The following ZNF280B variants were observed in gnomAD, a reference collection of about 807,000 sequenced individuals.
The protein encoded by ZNF280B is suppressor of hairy wing homolog 2.
Under a neutral mutation model 38.0 loss-of-function variants are expected in ZNF280B, and 16 were observed. The ratio of observed to expected loss-of-function variants is 0.42; its 90% CI spans 0.28 to 0.64. The LOEUF (loss-of-function observed/expected upper bound fraction) is 0.64, where lower values mean the gene tolerates loss of function less well. Among genes scored for constraint, ZNF280B ranks in the 30% least tolerant of loss-of-function variants. ZNF280B has a pLI of 0.21. For synonymous variants in ZNF280B, 253 were observed against 230.6 expected (o/e 1.10, Z -0.88); for missense variants, 581 against 639.6 (o/e 0.91, Z 0.99).
In ZNF280B at chr22:22,488,672, T is replaced by G; in HGVS notation, c.727A>C (p.Asn243His). The G allele has an allele frequency of 6.2e-7, 1 of 1,613,908 alleles. No homozygotes were observed. Among genetic ancestry groups the G allele is most frequent in the Non-Finnish European group, 8.5e-7 (1 of 1,179,982 alleles). The change falls in exon 4 of 4, where the codon AAT becomes CAT. Residue 243 changes from asparagine to histidine, a missense_variant. Coordinates refer to ENST00000626650, the MANE Select transcript of ZNF280B (RefSeq NM_080764.4). ...APFPAAFPKD[N>H]IHFKPINTNL... ...GTATTTATAGGCTTGAAATGGATAT[T>G]GTCCTTTGGAAAAGCTGCTGGAAAA...
chr22:22,490,011 T>C (rs970316064), intron 3 of ZNF280B, among the ~76,000 whole-genome samples: 18 of 151,960 alleles, frequency 1.2e-4, no homozygotes, highest in African/African-American at 3.9e-4. Context: ...AATTGATTCA[T>C]ATATAGTAAT....
At chr22:22,491,710 G>A (rs1206576317) in intron 3 of ZNF280B, among the ~76,000 whole-genome samples, 1 of 151,626 alleles carries the variant, frequency 6.6e-6, no homozygotes, top group Non-Finnish European at 1.5e-5. Context: ...CACCAGCCTC[G>A]GCCTCCCAAA....
intron 3 of ZNF280B, among the ~76,000 whole-genome samples, chr22:22,490,198 C>CT (rs1371241597): frequency 6.6e-6 from 1 of 151,902 alleles, no homozygotes; most frequent in Non-Finnish European, 1.5e-5. Flanking sequence ...CCAGTTCTGA[C>CT]TTACCCACTG....
At chr22:22,501,484 G>A (rs527820346) in intron 2 of ZNF280B, among the ~76,000 whole-genome samples, 101 of 151,690 alleles carry the variant, frequency 6.7e-4, no homozygotes, top group African/African-American at 2.2e-3. Flanking sequence ...AGAATCACTT[G>A]AATCCAGGAG....
chr22:22,489,190 G>C lies in ZNF280B; in HGVS notation c.209C>G (p.Ser70Ter). ...ILNRVTPGSW[S>*]RRKKYDHLRK... Reference sequence around the variant, plus strand: ...AAGGTGATCATACTTTTTTCTCCTTGACCATGAACCCGGGGTGACTCTGTT... The same window carrying C: ...AAGGTGATCATACTTTTTTCTCCTTCACCATGAACCCGGGGTGACTCTGTT... The change falls in exon 4 of 4, where the codon TCA becomes TGA. Residue 70 changes from serine (S) to a stop codon, truncating the protein, a stop_gained. Coordinates refer to ENST00000626650, the MANE Select transcript of ZNF280B (RefSeq NM_080764.4). LOFTEE classifies it high-confidence loss of function. The C allele has an allele frequency of 6.2e-7, 1 of 1,613,582 alleles. No individual in the cohort carries two copies. The highest frequency in any genetic ancestry group is 8.5e-7 in the Non-Finnish European group (1 of 1,179,894).
At chr22:22,490,757 T>C (rs1385034108) in intron 3 of ZNF280B, among the ~76,000 whole-genome samples, 3 of 151,930 alleles carry the variant, frequency 2.0e-5, no homozygotes, top group Admixed American at 6.6e-5. Context: ...GGTGAGGAAC[T>C]GCACCTGGCC....
At chr22:22,501,042 CAAAAAACCA>C (rs2061812922) in intron 2 of ZNF280B, among the ~76,000 whole-genome samples, 1 of 105,016 alleles carries the variant, frequency 9.5e-6, no homozygotes, top group African/African-American at 3.4e-5. Context: ...AAAAAAAAAA[CAAAAAACCA>C]AAAAAACAAA....
At position 22,499,206 on chromosome 22, in the gene ZNF280B, A is replaced by G. The variant is rs1449054988; in HGVS notation, c.-186-5026T>C. Among the ~76,000 whole-genome samples the G allele has an allele frequency of 2.0e-5, 3 of 152,128 alleles. No homozygotes were observed. In the East Asian group the frequency reaches 5.9e-4, roughly 30 times the overall value. ...ACCAAGTGGGATTTATTTAAAAAAT[A>G]CAAGGATGGTTCATTCTATGAAAAT... On this transcript the variant is annotated intron_variant, in intron 2 of 3. Transcript: ENST00000626650.
At position 22,500,237 on chromosome 22, in the gene ZNF280B, A is replaced by G. The variant is rs1048752454; in HGVS notation, c.-186-6057T>C. Among the ~76,000 whole-genome samples, 6 of 152,048 alleles carry G rather than the reference A, an allele frequency of 3.9e-5. No individual in the cohort carries two copies. In the East Asian group the frequency reaches 5.9e-4, roughly 15 times the overall value. On this transcript the variant is annotated intron_variant, in intron 2 of 3. Transcript: ENST00000626650. Reference sequence around the variant, plus strand: ...TTCTAGCAATCTTACTTCTGGGTATATATCTAAAATAATTGAAAGCAGGGT... The same window carrying G: ...TTCTAGCAATCTTACTTCTGGGTATGTATCTAAAATAATTGAAAGCAGGGT...
At chr22:22,505,463 G>A (rs1163185608) in intron 2 of ZNF280B, among the ~76,000 whole-genome samples, 1 of 151,948 alleles carries the variant, frequency 6.6e-6, no homozygotes, top group Admixed American at 6.6e-5. Context: ...CTACTCGGGA[G>A]GCTGAGGCAG....
intron 3 of ZNF280B, among the ~76,000 whole-genome samples, chr22:22,492,079 A>G (rs539301239): frequency 7.0e-4 from 106 of 152,132 alleles, no homozygotes; most frequent in African/African-American, 2.3e-3. Flanking sequence ...ATTTATTCCT[A>G]TAAATATGTG....
At chr22:22,496,105 CTTTT>C (rs34586676) in intron 2 of ZNF280B, among the ~76,000 whole-genome samples, 18 of 114,668 alleles carry the variant, frequency 1.6e-4, no homozygotes, top group Middle Eastern at 5.9e-3. Context: ...TGCGCCTGGC[CTTTT>C]TTTTTTTTTT....
rs202174242 is a variant in ZNF280B, at chr22:22,488,890, C to T, written c.509G>A (p.Arg170His). 5.0e-5 allele frequency: 80 copies of T among 1,613,628 alleles called. No individual in the cohort carries two copies. In the East Asian group the frequency reaches 1.5e-3, roughly 30 times the overall value. Reference protein sequence around the residue: ...LSVGGINESPRVSKQLSTFEV... With the variant: ...LSVGGINESPHVSKQLSTFEV... ...GAAAGTGGAAAGTTGCTTTGATACA[C>T]GAGGACTTTCATTTATACCTCCTAC... is the stretch of plus-strand genomic sequence containing the variant. Residue 170 changes from arginine to histidine, a missense_variant, in exon 4 of 4, where the codon CGT becomes CAT. By Grantham distance (29) the Arg-to-His change is conservative (BLOSUM62 0). Transcript: ENST00000626650.
At chr22:22,503,622 T>C (rs1432182991) in intron 2 of ZNF280B, among the ~76,000 whole-genome samples, 1 of 151,966 alleles carries the variant, frequency 6.6e-6, no homozygotes, top group Non-Finnish European at 1.5e-5. Context: ...TATATCTCCT[T>C]GCAGAGTGAA....
chr22:22,501,019 C>CAAAAAAAAAAAAAAAAAAAAAAA (rs56907724), intron 2 of ZNF280B, among the ~76,000 whole-genome samples: 4 of 60,266 alleles, frequency 6.6e-5, no homozygotes, highest in Non-Finnish European at 1.0e-4. Context: ...GACTCCGTCT[C>CAAAAAAAAAAAAAAAAAAAAAAA]AAAAAAAAAA....
At chr22:22,506,075 G>A (rs2061932924) in intron 2 of ZNF280B, among the ~76,000 whole-genome samples, 1 of 151,926 alleles carries the variant, frequency 6.6e-6, no homozygotes, top group South Asian at 2.1e-4. Flanking sequence ...ATTGGGTTTG[G>A]GATGTGAAGG....
chr22:22,488,581 G>A lies in ZNF280B; in HGVS notation c.818C>T (p.Thr273Ile), dbSNP rs1413414338. The part of the protein sequence containing the change: ...DILSLTSQNK[T>I]FDPKKENPIV... The stretch of plus-strand genomic sequence containing the variant: ...GGGATTTTCTTTCTTGGGATCAAAG[G>A]TCTTGTTTTGACTTGTTAGACTCAA... The change falls in exon 4 of 4, where the codon ACC (threonine) becomes ATC (isoleucine). Residue 273 changes from threonine (T) to isoleucine (I), a missense_variant. By Grantham distance (89) the Thr-to-Ile change is moderately conservative. Coordinates refer to ENST00000626650, the MANE Select transcript of ZNF280B (RefSeq NM_080764.4). 6.2e-7 allele frequency: 1 copy of A among 1,613,704 alleles called. No homozygotes were observed. The highest frequency in any genetic ancestry group is 8.5e-7 in the Non-Finnish European group (1 of 1,179,960).
intron 2 of ZNF280B, among the ~76,000 whole-genome samples, chr22:22,504,186 C>T (rs2061885440): frequency 6.6e-6 from 1 of 151,918 alleles, no homozygotes; most frequent in Admixed American, 6.6e-5. Flanking sequence ...GTAATCCCAG[C>T]ACTTTGGGAG....
rs2061487041 is a variant in ZNF280B at position 22,485,049 on chromosome 22, A to G, written c.*2718T>C. On this transcript the variant is annotated 3_prime_UTR_variant, in exon 4 of 4. Transcript: ENST00000626650. ...GGGAAGAATGTGATTTGCTTAAGGA[A>G]TAGCAAGGCCAGTGTGTCAAAATAG... 6.6e-6 allele frequency: 1 copy of G among 152,352 alleles called. No individual in the cohort carries two copies. The highest frequency in any genetic ancestry group is 2.1e-4 in the South Asian group (1 of 4,810). 9.4% of individuals were successfully genotyped at this position (152,352 alleles called of 1,614,324 possible). A position where few individuals can be genotyped will look rare whatever the true frequency, so the allele number is the denominator to read the frequency against.
Sources: allele counts gnomAD v4.1 joint callset (sites outside exome capture counted in the v4.1 genomes callset), GRCh38; gene constraint gnomAD v4.1.1; transcripts MANE v1.5; gene names NCBI Gene and HGNC (gene_info 2026-07-23, HGNC 2026-07-21).